The following PRKG1 variants were observed in gnomAD, a reference collection of about 807,000 sequenced individuals.
The protein encoded by PRKG1 is cGMP-dependent protein kinase 1.
PRKG1 carries 35 observed loss-of-function variants against 88.1 expected under a neutral mutation model. That is an observed-to-expected ratio of 0.40 (90% confidence interval 0.30 to 0.53). The LOEUF (loss-of-function observed/expected upper bound fraction) is 0.53. PRKG1 is among the 20% of genes least tolerant of loss of function. PRKG1 has a pLI of 0.59. For missense variants in PRKG1, 540 were observed against 839.8 expected (o/e 0.64, Z 4.41); for synonymous variants, 303 against 292.5 (o/e 1.04, Z -0.37).
chr10:51,684,556 C>G (rs1791966772), intron 3 of PRKG1, among the ~76,000 whole-genome samples: 1 of 152,040 alleles, frequency 6.6e-6, no homozygotes, highest in African/African-American at 2.4e-5. Flanking sequence ...TAGATATTGA[C>G]TAGAATTACT....
chr10:51,605,138 G>T (rs1838728749), intron 3 of PRKG1, among the ~76,000 whole-genome samples: 1 of 152,192 alleles, frequency 6.6e-6, no homozygotes, highest in Non-Finnish European at 1.5e-5. Flanking sequence ...TCACTGGTCT[G>T]GTGGTGTCTG....
chr10:51,688,298 A>G lies in PRKG1; in HGVS notation c.593-116287A>G, dbSNP rs114808431. ...CAGGTGATGCTGGTGCTGCTGGTCTAAGGAGCACACTTTAATTAGCAAGAG... is the reference window on the plus strand; with the variant it reads ...CAGGTGATGCTGGTGCTGCTGGTCTGAGGAGCACACTTTAATTAGCAAGAG... On this transcript the variant is annotated intron_variant, in intron 3 of 17. Coordinates refer to ENST00000373980, the MANE Select transcript of PRKG1 (RefSeq NM_006258.4). Among the ~76,000 whole-genome samples, 541 of 152,180 alleles carry G rather than the reference A, an allele frequency of 3.6e-3. 3 individuals carry two copies. Among genetic ancestry groups the G allele is most frequent in the Middle Eastern group, 0.017 (5 of 294 alleles).
At chr10:51,069,598 A>G (rs531876825), upstream of PRKG1, among the ~76,000 whole-genome samples, 4 of 152,190 alleles carry the variant, frequency 2.6e-5, no homozygotes, top group Non-Finnish European at 5.9e-5. Context: ...ATTATTATTC[A>G]TTGCAATAGG....
intron 3 of PRKG1, among the ~76,000 whole-genome samples, chr10:51,706,215 C>T (rs1215997587): frequency 6.6e-6 from 1 of 152,164 alleles, no homozygotes; most frequent in Non-Finnish European, 1.5e-5. Flanking sequence ...TGGTATATAA[C>T]TTTTTTTCCC....
chr10:51,884,607 G>T (rs1011182283), intron 4 of PRKG1, among the ~76,000 whole-genome samples: 8 of 122,620 alleles, frequency 6.5e-5, no homozygotes, highest in African/African-American at 2.3e-4. Context: ...TGGACTCAGT[G>T]TGCCAATGTT....
intron 4 of PRKG1, among the ~76,000 whole-genome samples, chr10:51,881,732 C>G (rs943958545): frequency 1.3e-5 from 2 of 152,074 alleles, no homozygotes; most frequent in African/African-American, 4.8e-5. Context: ...AGGCAGTATA[C>G]CATATAGATA....
intron 5 of PRKG1, chr10:51,911,083 C>T (rs1564704637): frequency 6.6e-6 from 1 of 152,124 alleles, no homozygotes; most frequent in Non-Finnish European, 1.5e-5. Flanking sequence ...TGAAGCAGAA[C>T]ATTGTCACAT....
At chr10:51,099,483 A>T (rs577459642) in intron 1 of PRKG1, among the ~76,000 whole-genome samples, 2 of 152,014 alleles carry the variant, frequency 1.3e-5, no homozygotes, top group South Asian at 4.1e-4. Flanking sequence ...TAGTTTAAAG[A>T]GGTGTTTGTG....
chr10:51,641,302 C>G (rs553829350), intron 3 of PRKG1, among the ~76,000 whole-genome samples: 2 of 152,074 alleles, frequency 1.3e-5, no homozygotes, highest in Non-Finnish European at 2.9e-5. Context: ...GTCCTGAGTC[C>G]CTGCTTCTTG....
intron 5 of PRKG1, among the ~76,000 whole-genome samples, chr10:51,917,692 A>G (rs1842373024): frequency 6.6e-6 from 1 of 152,212 alleles, no homozygotes. Context: ...GGGATGTTGT[A>G]GATACTTACA....
intron 4 of PRKG1, among the ~76,000 whole-genome samples, chr10:51,889,961 C>T (rs1392985849): frequency 6.6e-6 from 1 of 152,080 alleles, no homozygotes; most frequent in Non-Finnish European, 1.5e-5. Flanking sequence ...GATATTAGCC[C>T]TTTGTCAGAT....
chr10:51,431,657 G>T (rs1304405121), intron 2 of PRKG1, among the ~76,000 whole-genome samples: 1 of 151,996 alleles, frequency 6.6e-6, no homozygotes, highest in Non-Finnish European at 1.5e-5. Context: ...CTCAGTTGGG[G>T]GGCTACAAAT....
intron 3 of PRKG1, among the ~76,000 whole-genome samples, chr10:51,576,256 C>T (rs187821446): frequency 1.4e-4 from 21 of 151,914 alleles, no homozygotes; most frequent in East Asian, 9.7e-4. Flanking sequence ...TAGCATACTT[C>T]GAAACAGTTA....
rs1051994873 is a variant in PRKG1, at chr10:52,289,059, T to A, written c.1895+66T>A. ...TTTCCCCAGGGTGTTGCTTTTTAAG[T>A]TATTGGTGTAAAACTAGTATAATTA... is the stretch of plus-strand genomic sequence containing the variant. On this transcript the variant is annotated intron_variant, in intron 16 of 17. Transcript: ENST00000373980. 17 of 1,463,376 alleles carry A rather than the reference T, an allele frequency of 1.2e-5. 1 individual carries two copies. The Admixed American group carries it at 3.1e-4, about 27-fold the overall frequency. 90.6% of individuals were successfully genotyped at this position (1,463,376 alleles called of 1,614,324 possible). A position where few individuals can be genotyped will look rare whatever the true frequency, so the allele number is the denominator to read the frequency against.
chr10:51,915,866 G>C (rs1842328721), intron 5 of PRKG1, among the ~76,000 whole-genome samples: 1 of 152,084 alleles, frequency 6.6e-6, no homozygotes, highest in East Asian at 1.9e-4. Context: ...AACATTATTA[G>C]TCATTCGGGA....
intron 7 of PRKG1, among the ~76,000 whole-genome samples, chr10:52,086,519 C>T (rs57233855): frequency 0.069 from 10,395 of 151,720 alleles, 586 homozygotes; most frequent in East Asian, 0.34. Context: ...ATTTTCCTGC[C>T]TCAGCCTCCT....
chr10:52,050,079 G>T (rs564838322), intron 5 of PRKG1, among the ~76,000 whole-genome samples: 1 of 152,112 alleles, frequency 6.6e-6, no homozygotes, highest in East Asian at 1.9e-4. Flanking sequence ...GGTGGTGGTG[G>T]TAAGGGTGGG....
At chr10:51,198,401 G>T (rs1028949859) in intron 2 of PRKG1, among the ~76,000 whole-genome samples, 4 of 152,140 alleles carry the variant, frequency 2.6e-5, no homozygotes, top group African/African-American at 9.7e-5. Flanking sequence ...AAAACTTCTG[G>T]CAGTCTTCCA....
At chr10:51,638,144 A>G (rs1839705192) in intron 3 of PRKG1, among the ~76,000 whole-genome samples, 1 of 152,230 alleles carries the variant, frequency 6.6e-6, no homozygotes, top group Admixed American at 6.5e-5. Context: ...TAAACTTTTT[A>G]CAAAAGTAAA....
Sources: gnomAD v4.1 joint callset for allele counts (sites outside exome capture counted in the v4.1 genomes callset) on GRCh38, gnomAD v4.1.1 for gene constraint, MANE v1.5 for transcripts, NCBI Gene and HGNC (gene_info 2026-07-23, HGNC 2026-07-21) for gene names.